BLMH: variants seen among roughly 807,000 people sequenced by gnomAD.
The protein encoded by BLMH is bleomycin hydrolase, also known as BLM hydrolase.
BLMH carries 32 observed loss-of-function variants against 61.6 expected under a neutral mutation model. That is an observed-to-expected ratio of 0.52 (90% confidence interval 0.39 to 0.70). The LOEUF (loss-of-function observed/expected upper bound fraction) is 0.70, where lower values mean the gene tolerates loss of function less well. Among genes scored for constraint, BLMH ranks in the 30% least tolerant of loss-of-function variants. The pLI, the probability that BLMH is intolerant of heterozygous loss-of-function variation, is 0.00. For synonymous variants in BLMH, 183 were observed against 193.8 expected, an observed-to-expected ratio of 0.94 and a Z score of 0.46; for missense variants, 460 against 555.5, an observed-to-expected ratio of 0.83 and a Z score of 1.73.
chr17:30,272,493 G>A (rs1908304160), intron 9 of BLMH, 68 bp downstream of exon 9: 1 of 1,562,450 alleles, frequency 6.4e-7, no homozygotes, highest in Non-Finnish European at 8.8e-7. Flanking sequence ...GAGTCATTTT[G>A]TACCAACAGC....
chr17:30,266,651 G>A (rs1339101443), intron 11 of BLMH, among the ~76,000 whole-genome samples: 1 of 152,122 alleles, frequency 6.6e-6, no homozygotes, highest in East Asian at 1.9e-4. Context: ...GGTCAACACA[G>A]TTTGCAACAA....
chr17:30,279,192 C>T (rs1908512752), intron 6 of BLMH, among the ~76,000 whole-genome samples: 1 of 152,190 alleles, frequency 6.6e-6, no homozygotes. Flanking sequence ...ACAGAAGAAG[C>T]CAATGATTCT....
intron 3 of BLMH, 161 bp from the exon 4 acceptor site, chr17:30,288,108 T>G: frequency 1.4e-6 from 1 of 715,794 alleles, no homozygotes. Context: ...CATGTCATCC[T>G]TGTACAGAGG....
chr17:30,248,924 C>T lies in BLMH; in HGVS notation c.*93G>A. ...TCTGACTGTGTCCTGTGGCAACACA[C>T]AGTCCCTTGCATAACTTTGGCTTCA... On this transcript the variant is annotated 3_prime_UTR_variant, in exon 12 of 12. Coordinates refer to ENST00000261714, the MANE Select transcript of BLMH (RefSeq NM_000386.4). 1 of 1,474,390 alleles carries T rather than the reference C, an allele frequency of 6.8e-7. No homozygotes were observed. Among genetic ancestry groups the T allele is most frequent in the Non-Finnish European group, 9.3e-7 (1 of 1,079,472 alleles). The allele number at this position is 1,474,390 out of a possible 1,614,324, so 91.3% of individuals were successfully genotyped here. A position where few individuals can be genotyped will look rare whatever the true frequency, so the allele number is the denominator to read the frequency against.
chr17:30,258,835 A>T (rs1333549504), intron 11 of BLMH, among the ~76,000 whole-genome samples: 1 of 152,188 alleles, frequency 6.6e-6, no homozygotes. Flanking sequence ...TGTTTCAGAC[A>T]AAGTCTGCTT....
intron 11 of BLMH, among the ~76,000 whole-genome samples, chr17:30,255,387 CG>C (rs1392867105): frequency 2.0e-5 from 3 of 152,114 alleles, no homozygotes; most frequent in Non-Finnish European, 4.4e-5. Flanking sequence ...CACCTAATGA[CG>C]CATTTCAGAA....
chr17:30,272,502 G>C (rs1908304537), intron 9 of BLMH, 59 bp downstream of exon 9: 1 of 1,581,546 alleles, frequency 6.3e-7, no homozygotes. Flanking sequence ...TGTACCAACA[G>C]CACACTCCAA....
At chr17:30,254,648 T>C (rs1907764703) in intron 11 of BLMH, among the ~76,000 whole-genome samples, 1 of 152,138 alleles carries the variant, frequency 6.6e-6, no homozygotes. Flanking sequence ...ATGGGATAGA[T>C]TTTCTCTCCA....
intron 7 of BLMH, chr17:30,273,148 G>A (rs2143022069): frequency 2.7e-6 from 1 of 370,898 alleles, no homozygotes; most frequent in Non-Finnish European, 4.8e-6. Context: ...CTACTAGCAA[G>A]AACTGCTCCA....
chr17:30,274,359 G>A (rs181868675), intron 6 of BLMH, among the ~76,000 whole-genome samples, 162 bp from the exon 7 acceptor site: 57 of 152,294 alleles, frequency 3.7e-4, no homozygotes, highest in African/African-American at 1.3e-3. Context: ...CTGGAAAGCC[G>A]ATGTCTGAGA....
intron 3 of BLMH, among the ~76,000 whole-genome samples, chr17:30,288,503 C>T (rs1230927956): frequency 6.6e-6 from 1 of 152,006 alleles, no homozygotes; most frequent in African/African-American, 2.4e-5. Flanking sequence ...CAGGTGTGCA[C>T]CACGCGTGGC....
At chr17:30,287,168 T>C (rs116986466) in intron 4 of BLMH, among the ~76,000 whole-genome samples, 747 of 152,230 alleles carry the variant, frequency 4.9e-3, no homozygotes, top group Non-Finnish European at 7.4e-3. Context: ...GCGGCAACTA[T>C]GGTGCATGAT....
chr17:30,256,169 A>G (rs956763144), intron 11 of BLMH, among the ~76,000 whole-genome samples: 1 of 152,158 alleles, frequency 6.6e-6, no homozygotes, highest in Non-Finnish European at 1.5e-5. Context: ...TTACAGGGGT[A>G]AGCCACTACA....
chr17:30,289,530 G>C, intron 2 of BLMH, 48 bp from the exon 3 acceptor site: 1 of 1,305,810 alleles, frequency 7.7e-7, no homozygotes, highest in Non-Finnish European at 1.1e-6. Context: ...CACATAGACT[G>C]CACTGCTCCA....
chr17:30,284,610 T>A (rs1458966964), intron 6 of BLMH, among the ~76,000 whole-genome samples: 1 of 152,242 alleles, frequency 6.6e-6, no homozygotes, highest in Non-Finnish European at 1.5e-5. Flanking sequence ...TTCTTAACTG[T>A]CTTGATCATA....
rs573591955 is a variant in BLMH at position 30,286,891 on chromosome 17, C to A, written c.475G>T (p.Val159Phe). 1 of 1,583,706 alleles carries A rather than the reference C, an allele frequency of 6.3e-7. No individual in the cohort carries two copies. Among genetic ancestry groups the A allele is most frequent in the African/African-American group, 1.3e-5 (1 of 74,202 alleles). The change falls in exon 5 of 12, where the codon GTT becomes TTT. Residue 159 changes from valine to phenylalanine, a missense_variant. Around this residue, in one of 5 missense-constraint regions of BLMH, gnomAD observed 310 missense variants for 371.1 expected, o/e 0.84. Transcript: ENST00000261714. Reference protein sequence around the residue: ...MLVNIVEKYGVIPKKCFPESY... With the variant: ...MLVNIVEKYGFIPKKCFPESY... ...TCAGGGAAGCATTTCTTAGGGATAA[C>A]ACCATATTTTTCTAAAAGAAAACAA...
At chr17:30,259,170 C>T (rs1907894304) in intron 11 of BLMH, among the ~76,000 whole-genome samples, 1 of 152,096 alleles carries the variant, frequency 6.6e-6, no homozygotes, top group African/African-American at 2.4e-5. Flanking sequence ...TTACAAACAC[C>T]ATATGGGGCC....
At chr17:30,283,811 T>C (rs1049220350) in intron 6 of BLMH, among the ~76,000 whole-genome samples, 3 of 152,130 alleles carry the variant, frequency 2.0e-5, no homozygotes, top group Non-Finnish European at 2.9e-5. Flanking sequence ...TGAGCCACCG[T>C]GCCTGGCCCC....
chr17:30,269,180 G>GT (rs368369374), intron 10 of BLMH, among the ~76,000 whole-genome samples: 17,978 of 131,248 alleles, frequency 0.14, 1,704 homozygotes, highest in Non-Finnish European at 0.18. Flanking sequence ...TTTATTTATT[G>GT]TTTTTTTTTT....
Sources: allele counts gnomAD v4.1 joint callset (sites outside exome capture counted in the v4.1 genomes callset), GRCh38; gene constraint gnomAD v4.1.1; regional missense constraint gnomAD v4.1.1; transcripts MANE v1.5; gene names NCBI Gene and HGNC (gene_info 2026-07-23, HGNC 2026-07-21).